FGF1: variants seen among roughly 807,000 people sequenced by gnomAD.
The protein encoded by FGF1 is fibroblast growth factor 1.
Under a neutral mutation model 13.4 loss-of-function variants are expected in FGF1, and 9 were observed. That is an observed-to-expected ratio of 0.67 (90% CI 0.40 to 1.17). The LOEUF (loss-of-function observed/expected upper bound fraction) is 1.17. Ranked by LOEUF, FGF1 falls within the 50% of genes most tolerant of loss-of-function variation. The probability of loss-of-function intolerance (pLI) is 0.01; values close to 1 mark genes in which losing one functional copy is unlikely to be tolerated. For synonymous variants in FGF1, 93 were observed against 79.0 expected (o/e 1.18, Z -0.94); for missense variants, 156 against 192.7 (o/e 0.81, Z 1.13).
At chr5:142,607,101 G>C (rs777105076) in intron 2 of FGF1, among the ~76,000 whole-genome samples, 2 of 152,166 alleles carry the variant, frequency 1.3e-5, no homozygotes, top group South Asian at 2.1e-4. Flanking sequence ...TTTGTTCCTC[G>C]TGACCCCTGA....
intron 1 of FGF1, among the ~76,000 whole-genome samples, chr5:142,675,222 A>G (rs1772312083): frequency 6.6e-6 from 1 of 152,158 alleles, no homozygotes; most frequent in South Asian, 2.1e-4. Flanking sequence ...TGGGACAGGA[A>G]GAGGTCCACC....
chr5:142,613,416 C>A (rs1759502156), intron 2 of FGF1, among the ~76,000 whole-genome samples: 1 of 152,260 alleles, frequency 6.6e-6, no homozygotes, highest in African/African-American at 2.4e-5. Flanking sequence ...TTTACCACTG[C>A]TGGTTACCAC....
rs994240022 is a variant in FGF1, at chr5:142,593,530, T to C, written c.*1760A>G. On this transcript the variant is annotated 3_prime_UTR_variant, in exon 4 of 4. Coordinates refer to ENST00000337706, the MANE Select transcript of FGF1 (RefSeq NM_000800.5). ...TAAGGAATTGTTTTTAGTTAACAAT[T>C]ACTTCAATTTCATATGAAACAGGAG... is the stretch of plus-strand genomic sequence containing the variant. The C allele has an allele frequency of 1.3e-5, 2 of 152,204 alleles. No homozygotes were observed. The highest frequency in any genetic ancestry group is 4.8e-5 in the African/African-American group (2 of 41,444). 9.4% of individuals were successfully genotyped at this position (152,204 alleles called of 1,614,324 possible). A position where few individuals can be genotyped will look rare whatever the true frequency, so the allele number is the denominator to read the frequency against.
intron 1 of FGF1, among the ~76,000 whole-genome samples, chr5:142,619,027 C>T (rs1488587095): frequency 6.7e-6 from 1 of 150,222 alleles, no homozygotes; most frequent in Non-Finnish European, 1.5e-5. Flanking sequence ...CTCCGCCTCC[C>T]AGGTTCACGC....
chr5:142,605,368 C>A (rs952681035), intron 2 of FGF1, among the ~76,000 whole-genome samples: 1 of 151,866 alleles, frequency 6.6e-6, no homozygotes, highest in Non-Finnish European at 1.5e-5. Flanking sequence ...CGATCCACCC[C>A]CCTCGGCCTC....
chr5:142,663,400 C>T (rs1769657926), intron 1 of FGF1, among the ~76,000 whole-genome samples: 2 of 152,168 alleles, frequency 1.3e-5, no homozygotes, highest in East Asian at 1.9e-4. Flanking sequence ...CCCTCATCTC[C>T]AGTGACAGGG....
intron 1 of FGF1, among the ~76,000 whole-genome samples, chr5:142,617,928 C>T (rs536405116): frequency 1.1e-4 from 16 of 152,192 alleles, no homozygotes; most frequent in East Asian, 1.9e-4. Flanking sequence ...AAGGCAGCAA[C>T]GTTAGCAGGT....
intron 1 of FGF1, among the ~76,000 whole-genome samples, chr5:142,636,209 C>G (rs985447380): frequency 6.6e-6 from 1 of 152,226 alleles, no homozygotes; most frequent in African/African-American, 2.4e-5. Flanking sequence ...ATTTGCTCCA[C>G]AGTTCTGCTT....
At chr5:142,690,238 G>A (rs901117341), upstream of FGF1, among the ~76,000 whole-genome samples, 9 of 151,884 alleles carry the variant, frequency 5.9e-5, no homozygotes, top group Non-Finnish European at 1.2e-4. Flanking sequence ...GGAGAATGGC[G>A]TGAACCCGGT....
At chr5:142,648,449 T>C (rs939725329) in intron 1 of FGF1, among the ~76,000 whole-genome samples, 1 of 149,420 alleles carries the variant, frequency 6.7e-6, no homozygotes, top group Non-Finnish European at 1.5e-5. Context: ...TAAGTGGGAG[T>C]TGAACAATGA....
chr5:142,657,244 GA>G (rs1018951060), intron 1 of FGF1, among the ~76,000 whole-genome samples: 1 of 152,086 alleles, frequency 6.6e-6, no homozygotes, highest in African/African-American at 2.4e-5. Flanking sequence ...TAATGTAAAG[GA>G]AAAAACAACA....
chr5:142,686,810 T>C (rs1751317350), upstream of FGF1, among the ~76,000 whole-genome samples: 1 of 152,130 alleles, frequency 6.6e-6, no homozygotes, highest in Admixed American at 6.5e-5. Context: ...CTGTCCTCCC[T>C]CTCCACTGTT....
At chr5:142,611,953 G>C (rs1759155448) in intron 2 of FGF1, among the ~76,000 whole-genome samples, 1 of 152,148 alleles carries the variant, frequency 6.6e-6, no homozygotes, top group Admixed American at 6.5e-5. Flanking sequence ...CTGTTCCTCT[G>C]TGCCAGCCAC....
intron 1 of FGF1, among the ~76,000 whole-genome samples, chr5:142,616,054 G>A (rs1188996374): frequency 1.3e-5 from 2 of 152,294 alleles, no homozygotes; most frequent in African/African-American, 4.8e-5. Flanking sequence ...AGCTTCGTGA[G>A]CATCATGGAA....
At chr5:142,688,763 A>C (rs968884996), upstream of FGF1, among the ~76,000 whole-genome samples, 2 of 152,218 alleles carry the variant, frequency 1.3e-5, no homozygotes, top group African/African-American at 2.4e-5. Flanking sequence ...AGTCATCCAC[A>C]TCTAAAATGT....
At chr5:142,687,547 C>T (rs1394284434), upstream of FGF1, among the ~76,000 whole-genome samples, 1 of 152,178 alleles carries the variant, frequency 6.6e-6, no homozygotes, top group Non-Finnish European at 1.5e-5. Context: ...TGATAATTTG[C>T]TTTAAAACAT....
intron 3 of FGF1, among the ~76,000 whole-genome samples, chr5:142,597,793 G>A (rs1404254737): frequency 1.3e-5 from 2 of 152,150 alleles, no homozygotes; most frequent in Non-Finnish European, 2.9e-5. Flanking sequence ...AGTGAGGAAG[G>A]AGATGGAATC....
rs40043 is a variant in FGF1, at chr5:142,620,366, T to C, written c.-34-6205A>G. ...CCAGGAGGCGGAGCTTGCAGTGAGC[T>C]GAGATCGCGCCACTGCACTCCAGCC... is the stretch of plus-strand genomic sequence containing the variant. On this transcript the variant is annotated intron_variant, in intron 1 of 3. Coordinates refer to ENST00000337706, the MANE Select transcript of FGF1 (RefSeq NM_000800.5). Among the ~76,000 whole-genome samples, 9 of 151,672 alleles carry C rather than the reference T, an allele frequency of 5.9e-5. No individual in the cohort carries two copies. The South Asian group carries it at 1.5e-3, about 25-fold the overall frequency.
At chr5:142,611,137 C>T (rs1219312604) in intron 2 of FGF1, among the ~76,000 whole-genome samples, 4 of 152,190 alleles carry the variant, frequency 2.6e-5, no homozygotes, top group East Asian at 1.9e-4. Context: ...CTTGCCAGGC[C>T]GTGTGGATCA....
Sources: allele counts gnomAD v4.1 joint callset (sites outside exome capture counted in the v4.1 genomes callset), GRCh38; gene constraint gnomAD v4.1.1; transcripts MANE v1.5; gene names NCBI Gene and HGNC (gene_info 2026-07-23, HGNC 2026-07-21).